Variants in LRRC32 observed in about 807,000 individuals in gnomAD.
LRRC32 encodes the protein transforming growth factor beta activator LRRC32.
In LRRC32, 5 loss-of-function variants were observed where a neutral mutation model predicts 15.0. The observed-to-expected ratio is 0.33, with a 90% CI of 0.17 to 0.70. The LOEUF (loss-of-function observed/expected upper bound fraction) is 0.70, where lower values mean the gene tolerates loss of function less well. Ranked by LOEUF, LRRC32 falls within the 30% of genes least tolerant of loss-of-function variation. The pLI is 0.66. For synonymous variants in LRRC32, 391 were observed against 403.9 expected (o/e 0.97, Z 0.38); for missense variants, 803 against 854.2 (o/e 0.94, Z 0.75).
chr11:76,659,285 C>T lies in LRRC32; in HGVS notation c.*319G>A, dbSNP rs1952467158. 3.3e-6 allele frequency: 1 copy of T among 306,014 alleles called. No individual in the cohort carries two copies. Among genetic ancestry groups the T allele is most frequent in the African/African-American group, 2.1e-5 (1 of 46,894 alleles). The allele number at this position is 306,014 out of a possible 1,614,324, so 19.0% of individuals were successfully genotyped here. ...GATTCTTGAGGGCGGGAATGTATCT[C>T]ATTTCCCAGCATTCCCAGTGCCCAG... is the stretch of plus-strand genomic sequence containing the variant. On this transcript the variant is annotated 3_prime_UTR_variant, in exon 3 of 3. Coordinates refer to ENST00000260061, the MANE Select transcript of LRRC32 (RefSeq NM_001128922.2).
Position 76,660,733 on chromosome 11 carries a change from C to G in LRRC32, c.860G>C (p.Ser287Thr), listed in dbSNP as rs767425977. 1.2e-6 allele frequency: 2 copies of G among 1,614,080 alleles called. No homozygotes were observed. Among genetic ancestry groups the G allele is most frequent in the Non-Finnish European group, 1.7e-6 (2 of 1,179,998 alleles). Residue 287 changes from serine to threonine, a missense_variant, in exon 3 of 3, where the codon AGC (serine) becomes ACC (threonine). Ser to Thr is a moderately conservative substitution (Grantham distance 58). Transcript: ENST00000260061. ...CTCGGAAGGTGCGTGGATGCCCTTGCTGTCCTGGGGTGGCCCTGTGGGGAG... is the reference window on the plus strand; with the variant it reads ...CTCGGAAGGTGCGTGGATGCCCTTGGTGTCCTGGGGTGGCCCTGTGGGGAG... Reference protein sequence around the residue: ...IRLPTGPPQDSKGIHAPSEGW... With the variant: ...IRLPTGPPQDTKGIHAPSEGW...
rs756642942 is a variant in LRRC32 at position 76,660,815 on chromosome 11, C to A, written c.778G>T (p.Asp260Tyr). 1.9e-6 allele frequency: 3 copies of A among 1,613,946 alleles called. No homozygotes were observed. The highest frequency in any genetic ancestry group is 2.5e-6 in the Non-Finnish European group (3 of 1,179,990). Reference protein sequence around the residue: ...LRENKLLHFPDLAALPRLIYL... With the variant: ...LRENKLLHFPYLAALPRLIYL... ...ATGAGTCTCGGGAGCGCGGCCAGGT[C>A]GGGGAAATGGAGCAGTTTGTTCTCC... The change falls in exon 3 of 3, where the codon GAC becomes TAC. Residue 260 changes from aspartate to tyrosine, a missense_variant. Transcript: ENST00000260061.
chr11:76,661,056 G>A lies in LRRC32; in HGVS notation c.537C>T (p.Asp179=), dbSNP rs1293305884. 1.2e-6 allele frequency: 2 copies of A among 1,614,250 alleles called. No homozygotes were observed. The highest frequency in any genetic ancestry group is 1.7e-5 in the Admixed American group (1 of 60,032). The change falls in exon 3 of 3, where the codon GAC becomes GAT. Residue 179 remains aspartate (D), a synonymous_variant. Transcript: ENST00000260061. ...FRDMPALEQL[D]LHSNVLMDIE... ...TGTCCATCAGCACGTTGCTATGCAG[G>A]TCAAGCTGCTCCAGCGCAGGCATGT...
chr11:76,663,258 G>A (rs575606524), intron 2 of LRRC32: 1 of 152,322 alleles, frequency 6.6e-6, no homozygotes. Flanking sequence ...TTCTCTAGGA[G>A]GAAAGAAAAT....
chr11:76,660,132 T>C lies in LRRC32; in HGVS notation c.1461A>G (p.Gly487=), dbSNP rs200713093. ...PGLEVATGAL[G]GLEASLEVLA... is the part of the protein sequence containing the mutation. The stretch of plus-strand genomic sequence containing the variant: ...GGACCTCCAAGGAGGCCTCCAGGCC[T>C]CCCAAGGCCCCCGTGGCCACCTCCA... Residue 487 remains glycine, a synonymous_variant, in exon 3 of 3, where the codon GGA becomes GGG. Transcript: ENST00000260061. The C allele has an allele frequency of 1.1e-5, 17 of 1,608,632 alleles. No homozygotes were observed. The East Asian group carries it at 3.3e-4, about 32-fold the overall frequency.
chr11:76,670,018 A>T (rs1952685835), intron 1 of LRRC32: 1 of 152,374 alleles, frequency 6.6e-6, no homozygotes, highest in Admixed American at 6.5e-5. Context: ...TCAAGCAGTG[A>T]ATCACTAAGG....
At chr11:76,665,804 G>A (rs955442366) in intron 2 of LRRC32, 67 bp downstream of exon 2, 1 of 1,599,390 alleles carries the variant, frequency 6.3e-7, no homozygotes, top group Non-Finnish European at 8.6e-7. Flanking sequence ...CTGGGGCTGG[G>A]GCACTAGCAC....
In LRRC32 at chr11:76,660,134, C is replaced by T; in HGVS notation, c.1459G>A (p.Gly487Arg). The T allele has an allele frequency of 6.2e-7, 1 of 1,608,754 alleles. No homozygotes were observed. Among genetic ancestry groups the T allele is most frequent in the Non-Finnish European group, 8.5e-7 (1 of 1,177,538 alleles). ...PGLEVATGAL[G>R]GLEASLEVLA... ...ACCTCCAAGGAGGCCTCCAGGCCTC[C>T]CAAGGCCCCCGTGGCCACCTCCAGC... Residue 487 changes from glycine to arginine, a missense_variant, in exon 3 of 3, where the codon GGA becomes AGA. Gly to Arg is a moderately radical substitution (Grantham distance 125). Coordinates refer to ENST00000260061, the MANE Select transcript of LRRC32 (RefSeq NM_001128922.2).
intron 1 of LRRC32, among the ~76,000 whole-genome samples, chr11:76,667,887 T>A (rs956119540): frequency 6.6e-6 from 1 of 152,238 alleles, no homozygotes; most frequent in African/African-American, 2.4e-5. Flanking sequence ...CCCTCTCCTC[T>A]TCTGCTAAAG....
intron 2 of LRRC32, among the ~76,000 whole-genome samples, chr11:76,665,653 G>T (rs1347897586): frequency 2.0e-5 from 3 of 152,216 alleles, no homozygotes; most frequent in African/African-American, 7.2e-5. Flanking sequence ...CCAAGCCTCA[G>T]TCTCCTCCTT....
chr11:76,660,895 A>C lies in LRRC32; in HGVS notation c.698T>G (p.Phe233Cys). The C allele has an allele frequency of 6.2e-7, 1 of 1,614,106 alleles. No individual in the cohort carries two copies. Among genetic ancestry groups the C allele is most frequent in the Non-Finnish European group, 8.5e-7 (1 of 1,180,018 alleles). ...LDLSCNSIEA[F>C]QTASQPQAEF... ...AGCCTGGGGCTGGGAGGCCGTCTGA[A>C]AGGCCTCGATGCTGTTGCAGCTCAG... Residue 233 changes from phenylalanine (F) to cysteine (C), a missense_variant, in exon 3 of 3, where the codon TTT (phenylalanine) becomes TGT (cysteine). Coordinates refer to ENST00000260061, the MANE Select transcript of LRRC32 (RefSeq NM_001128922.2).
chr11:76,658,647 C>T lies in LRRC32; in HGVS notation c.*957G>A, dbSNP rs1156789160. The T allele has an allele frequency of 2.0e-5, 3 of 152,752 alleles. No homozygotes were observed. The highest frequency in any genetic ancestry group is 1.9e-4 in the East Asian group (1 of 5,236). 9.5% of individuals were successfully genotyped at this position (152,752 alleles called of 1,614,324 possible). A position where few individuals can be genotyped will look rare whatever the true frequency, so the allele number is the denominator to read the frequency against. ...AACTTCAGTTTCCTCTTTTATAAAA[C>T]GGGGATAAAATATAGAGCTGTCACA... On this transcript the variant is annotated 3_prime_UTR_variant, in exon 3 of 3. Coordinates refer to ENST00000260061, the MANE Select transcript of LRRC32 (RefSeq NM_001128922.2).
At position 76,661,148 on chromosome 11, in the gene LRRC32, G is replaced by A. The variant is rs1306444751; in HGVS notation, c.445C>T (p.Pro149Ser). 6.2e-7 allele frequency: 1 copy of A among 1,613,824 alleles called. No individual in the cohort carries two copies. Among genetic ancestry groups the A allele is most frequent in the Non-Finnish European group, 8.5e-7 (1 of 1,179,870 alleles). ...GLLERLLGEAPSLHTLSLAEN... is the reference protein window; with the variant it reads ...GLLERLLGEASSLHTLSLAEN... ...GCCAGTGAGAGGGTATGCAGGCTGG[G>A]TGCCTCCCCCAGCAGCCGCTCCAGC... is the stretch of plus-strand genomic sequence containing the variant. The change falls in exon 3 of 3, where the codon CCC becomes TCC. Residue 149 changes from proline to serine, a missense_variant. Pro to Ser is a moderately conservative substitution (Grantham distance 74). Transcript: ENST00000260061.
chr11:76,660,437 C>T lies in LRRC32; in HGVS notation c.1156G>A (p.Gly386Arg), dbSNP rs1421085139. The T allele has an allele frequency of 1.2e-6, 2 of 1,613,684 alleles. No individual in the cohort carries two copies. The highest frequency in any genetic ancestry group is 1.7e-6 in the Non-Finnish European group (2 of 1,179,872). Residue 386 changes from glycine to arginine, a missense_variant, in exon 3 of 3, where the codon GGG becomes AGG. Physicochemically the swap from Gly to Arg is moderately radical, Grantham distance 125 (BLOSUM62 -2). Transcript: ENST00000260061. ...ETLELGARALGSLRTLLLQGN... is the reference protein window; with the variant it reads ...ETLELGARALRSLRTLLLQGN... ...TGTAGGAGCAGCGTCCGCAGAGACCCCAGGGCTCTGGCGCCCAGTTCCAGT... is the reference window on the plus strand; with the variant it reads ...TGTAGGAGCAGCGTCCGCAGAGACCTCAGGGCTCTGGCGCCCAGTTCCAGT...
chr11:76,669,167 C>T (rs531179381), intron 1 of LRRC32, among the ~76,000 whole-genome samples: 2 of 152,158 alleles, frequency 1.3e-5, no homozygotes, highest in African/African-American at 2.4e-5. Context: ...AGAATGGTGG[C>T]GAAGGTGCCC....
In LRRC32 at chr11:76,660,523, C is replaced by T. The variant is rs370963014; in HGVS notation, c.1070G>A (p.Arg357Gln). The change falls in exon 3 of 3, where the codon CGG (arginine) becomes CAG (glutamine). Residue 357 changes from arginine (R) to glutamine (Q), a missense_variant. Coordinates refer to ENST00000260061, the MANE Select transcript of LRRC32 (RefSeq NM_001128922.2). ...SRNCLRTFEA[R>Q]RLGSLPCLML... The stretch of plus-strand genomic sequence containing the variant: ...CAGGCAGGGCAGGGAGCCTAAGCGC[C>T]GGGCCTCAAAGGTCCGCAAGCAGTT... The T allele has an allele frequency of 2.9e-5, 46 of 1,614,016 alleles. No homozygotes were observed. The highest frequency in any genetic ancestry group is 8.3e-5 in the Admixed American group (5 of 60,004).
chr11:76,666,083 T>G, intron 1 of LRRC32, 125 bp from the exon 2 acceptor site: 1 of 830,050 alleles, frequency 1.2e-6, no homozygotes, highest in Non-Finnish European at 2.0e-6. Flanking sequence ...GGAGCTGGAA[T>G]AAAGATGCTT....
At chr11:76,664,194 C>T (rs1164503168) in intron 2 of LRRC32, among the ~76,000 whole-genome samples, 1 of 152,240 alleles carries the variant, frequency 6.6e-6, no homozygotes, top group Non-Finnish European at 1.5e-5. Flanking sequence ...GCCAAGCCCA[C>T]AGCCCAAGAC....
chr11:76,660,902 C>T lies in LRRC32; in HGVS notation c.691G>A (p.Glu231Lys), dbSNP rs139661666. 21 of 1,614,186 alleles carry T rather than the reference C, an allele frequency of 1.3e-5. No individual in the cohort carries two copies. The highest frequency in any genetic ancestry group is 2.7e-5 in the African/African-American group (2 of 75,044). Residue 231 changes from glutamate to lysine, a missense_variant, in exon 3 of 3, where the codon GAG becomes AAG. By Grantham distance (56) the Glu-to-Lys change is moderately conservative. Coordinates refer to ENST00000260061, the MANE Select transcript of LRRC32 (RefSeq NM_001128922.2). Reference protein sequence around the residue: ...RVLDLSCNSIEAFQTASQPQA... With the variant: ...RVLDLSCNSIKAFQTASQPQA... Reference sequence around the variant, plus strand: ...GGCTGGGAGGCCGTCTGAAAGGCCTCGATGCTGTTGCAGCTCAGGTCTAGC... The same window carrying T: ...GGCTGGGAGGCCGTCTGAAAGGCCTTGATGCTGTTGCAGCTCAGGTCTAGC...
Sources: allele counts gnomAD v4.1 joint callset (sites outside exome capture counted in the v4.1 genomes callset), GRCh38; gene constraint gnomAD v4.1.1; transcripts MANE v1.5; gene names NCBI Gene and HGNC (gene_info 2026-07-23, HGNC 2026-07-21).